GUCY1A2: variants seen among roughly 807,000 people sequenced by gnomAD.
GUCY1A2 encodes guanylate cyclase 1 soluble subunit alpha 2.
Under a neutral mutation model 63.5 loss-of-function variants are expected in GUCY1A2, and 27 were observed. The observed-to-expected ratio is 0.43, with a 90% CI of 0.31 to 0.59. The LOEUF (loss-of-function observed/expected upper bound fraction) is 0.59, where lower values mean the gene tolerates loss of function less well. Among genes scored for constraint, GUCY1A2 ranks in the 20% least tolerant of loss-of-function variants. The probability of loss-of-function intolerance (pLI) is 0.11; values close to 1 mark genes in which losing one functional copy is unlikely to be tolerated. For synonymous variants in GUCY1A2, 364 were observed against 343.5 expected (o/e 1.06, Z -0.66); for missense variants, 768 against 913.3 (o/e 0.84, Z 2.05).
chr11:106,698,863 T>C (rs1161901396), intron 7 of GUCY1A2, among the ~76,000 whole-genome samples: 1 of 151,776 alleles, frequency 6.6e-6, no homozygotes, highest in East Asian at 1.9e-4. Flanking sequence ...TATTTGGTCA[T>C]TCATTTATTT....
At chr11:107,015,014 C>T (rs1030163742) in intron 1 of GUCY1A2, among the ~76,000 whole-genome samples, 9 of 152,186 alleles carry the variant, frequency 5.9e-5, no homozygotes, top group South Asian at 2.1e-4. Context: ...AATGAATCTA[C>T]TGGAACTTTT....
chr11:106,842,817 T>G (rs1363049109), intron 4 of GUCY1A2, among the ~76,000 whole-genome samples: 1 of 151,936 alleles, frequency 6.6e-6, no homozygotes, highest in Non-Finnish European at 1.5e-5. Flanking sequence ...GATTCTCAAA[T>G]AAGCTTCTGA....
chr11:106,883,471 A>C (rs1859855061), intron 4 of GUCY1A2, among the ~76,000 whole-genome samples: 1 of 152,128 alleles, frequency 6.6e-6, no homozygotes, highest in East Asian at 1.9e-4. Flanking sequence ...TTGTTAGAAA[A>C]GCAAAATGGT....
chr11:106,900,555 A>C (rs1392614585), intron 4 of GUCY1A2, among the ~76,000 whole-genome samples: 2 of 152,218 alleles, frequency 1.3e-5, no homozygotes, highest in Non-Finnish European at 1.5e-5. Context: ...TAATATCTGC[A>C]GTAAATCTGA....
intron 1 of GUCY1A2, among the ~76,000 whole-genome samples, chr11:107,008,473 C>T (rs139314170): frequency 0.013 from 2,049 of 152,078 alleles, 28 homozygotes; most frequent in South Asian, 0.045. Context: ...ACAGAACAGT[C>T]AGATAAAATA....
intron 4 of GUCY1A2, among the ~76,000 whole-genome samples, chr11:106,885,576 C>T (rs954239305): frequency 6.6e-6 from 1 of 152,060 alleles, no homozygotes; most frequent in Non-Finnish European, 1.5e-5. Flanking sequence ...CTATTATTGC[C>T]TTCCATTACT....
intron 1 of GUCY1A2, among the ~76,000 whole-genome samples, chr11:107,009,705 G>T (rs1172675996): frequency 6.6e-6 from 1 of 152,162 alleles, no homozygotes; most frequent in Non-Finnish European, 1.5e-5. Flanking sequence ...GCCATAGGAT[G>T]TGGGGATAAC....
At chr11:106,998,453 G>T (rs1167508377) in intron 1 of GUCY1A2, among the ~76,000 whole-genome samples, 1 of 152,126 alleles carries the variant, frequency 6.6e-6, no homozygotes, top group Non-Finnish European at 1.5e-5. Context: ...GTCAAACGTT[G>T]TCCTGCACAA....
In GUCY1A2 at chr11:106,686,887, C is replaced by T. The variant is rs1862535167; in HGVS notation, c.*662G>A. On this transcript the variant is annotated 3_prime_UTR_variant, in exon 8 of 8. Transcript: ENST00000526355. Reference sequence around the variant, plus strand: ...ATGTATTCTCAGTCGAAGCACTGATCTCTCTAAATAAGGGAAACTATATTA... The same window carrying T: ...ATGTATTCTCAGTCGAAGCACTGATTTCTCTAAATAAGGGAAACTATATTA... 1 of 196,652 alleles carries T rather than the reference C, an allele frequency of 5.1e-6. No individual in the cohort carries two copies. The highest frequency in any genetic ancestry group is 2.3e-5 in the African/African-American group (1 of 43,320). The allele number at this position is 196,652 out of a possible 1,614,324, so 12.2% of individuals were successfully genotyped here. A position where few individuals can be genotyped will look rare whatever the true frequency, so the allele number is the denominator to read the frequency against.
chr11:106,926,362 T>A (rs1333566847), intron 4 of GUCY1A2, among the ~76,000 whole-genome samples: 1 of 150,872 alleles, frequency 6.6e-6, no homozygotes, highest in Non-Finnish European at 1.5e-5. Flanking sequence ...TGCTTGAACC[T>A]GAGAGGTATA....
intron 6 of GUCY1A2, among the ~76,000 whole-genome samples, chr11:106,711,670 T>C: frequency 7.1e-6 from 1 of 140,652 alleles, no homozygotes; most frequent in East Asian, 2.1e-4. Context: ...CATTTGTATC[T>C]GGTATCATTT....
intron 4 of GUCY1A2, among the ~76,000 whole-genome samples, chr11:106,842,127 T>G (rs1349940844): frequency 6.6e-6 from 1 of 151,896 alleles, no homozygotes; most frequent in Non-Finnish European, 1.5e-5. Context: ...GATCTGTGAT[T>G]TGGCAGTGGC....
rs145836888 is a variant in GUCY1A2 at position 106,721,950 on chromosome 11, C to G, written c.1837-13284G>C. Among the ~76,000 whole-genome samples the G allele has an allele frequency of 2.1e-3, 325 of 152,270 alleles. 1 individual carries two copies. Among genetic ancestry groups the G allele is most frequent in the African/African-American group, 7.4e-3 (309 of 41,562 alleles). On this transcript the variant is annotated intron_variant, in intron 6 of 7. Coordinates refer to ENST00000526355, the MANE Select transcript of GUCY1A2 (RefSeq NM_000855.3). ...CACAGATTTCTCAAATTTTGAGAAC[C>G]ATTACCTTAAGTTTCTTTTCAGTGC...
At chr11:106,797,972 C>A (rs907476413) in intron 5 of GUCY1A2, among the ~76,000 whole-genome samples, 1 of 152,092 alleles carries the variant, frequency 6.6e-6, no homozygotes, top group Non-Finnish European at 1.5e-5. Flanking sequence ...ATCAATGAAT[C>A]CAGGAGCTGG....
chr11:106,964,064 C>A (rs1053364146), intron 3 of GUCY1A2, among the ~76,000 whole-genome samples: 4 of 152,018 alleles, frequency 2.6e-5, no homozygotes, highest in African/African-American at 9.7e-5. Context: ...TATACACACA[C>A]ACACACCCAC....
At chr11:106,920,836 C>A (rs1332021883) in intron 4 of GUCY1A2, among the ~76,000 whole-genome samples, 2 of 152,132 alleles carry the variant, frequency 1.3e-5, no homozygotes, top group East Asian at 3.9e-4. Context: ...TCACGGGTTT[C>A]TTTTATTCTA....
intron 4 of GUCY1A2, among the ~76,000 whole-genome samples, chr11:106,896,350 CTAACATT>C (rs1860049303): frequency 6.6e-6 from 1 of 152,086 alleles, no homozygotes; most frequent in Non-Finnish European, 1.5e-5. Flanking sequence ...ATCTCTACAG[CTAACATT>C]ATTCTTAATG....
rs1862364819 is a variant in GUCY1A2 at position 106,677,424 on chromosome 11, A to G, written c.*10125T>C. The G allele has an allele frequency of 4.8e-6, 1 of 208,398 alleles. No homozygotes were observed. The highest frequency in any genetic ancestry group is 5.9e-5 in the Admixed American group (1 of 16,928). 12.9% of individuals were successfully genotyped at this position (208,398 alleles called of 1,614,324 possible). On this transcript the variant is annotated 3_prime_UTR_variant, in exon 8 of 8. Transcript: ENST00000526355. ...ATGGTTTCTCATTAGCACAAAAAAT[A>G]TACTAATGTTTAATTAGATAATGCA...
At chr11:106,749,800 T>A (rs1287585329) in intron 6 of GUCY1A2, among the ~76,000 whole-genome samples, 1 of 152,054 alleles carries the variant, frequency 6.6e-6, no homozygotes, top group Admixed American at 6.6e-5. Context: ...GGGATCTCCT[T>A]CCAAGTAAAC....
Sources: gnomAD v4.1 joint callset for allele counts (sites outside exome capture counted in the v4.1 genomes callset) on GRCh38, gnomAD v4.1.1 for gene constraint, MANE v1.5 for transcripts, NCBI Gene and HGNC (gene_info 2026-07-23, HGNC 2026-07-21) for gene names.